RFTN1: variants seen among roughly 807,000 people sequenced by gnomAD.
RFTN1 encodes raftlin.
Under a neutral mutation model 46.5 loss-of-function variants are expected in RFTN1, and 26 were observed. That is an observed-to-expected ratio of 0.56 (90% CI 0.41 to 0.78). The LOEUF is 0.78. Ranked by LOEUF, RFTN1 falls within the 30% of genes least tolerant of loss-of-function variation. RFTN1 has a pLI of 0.00. For synonymous variants in RFTN1, 261 were observed against 284.2 expected (o/e 0.92, Z 0.82); for missense variants, 693 against 718.7 (o/e 0.96, Z 0.41).
Position 16,504,007 on chromosome 3 carries a change from C to T in RFTN1, c.-9+9435G>A, listed in dbSNP as rs75928266. Among the ~76,000 whole-genome samples, 7 of 152,118 alleles carry T rather than the reference C, an allele frequency of 4.6e-5. No homozygotes were observed. In the East Asian group the frequency reaches 7.7e-4, roughly 17 times the overall value. ...CTGTCTCCCTATCTTTCTATCCCTGCGTGTACTCTTTTACAATCTATATAT... is the reference window on the plus strand; with the variant it reads ...CTGTCTCCCTATCTTTCTATCCCTGTGTGTACTCTTTTACAATCTATATAT... On this transcript the variant is annotated intron_variant, in intron 1 of 9. Coordinates refer to ENST00000334133, the MANE Select transcript of RFTN1 (RefSeq NM_015150.2). The surrounding 1 kb of genome is among the most constrained non-coding windows in gnomAD (Gnocchi z 4.4).
intron 9 of RFTN1, among the ~76,000 whole-genome samples, chr3:16,319,483 G>A (rs896843717): frequency 2.0e-5 from 3 of 152,158 alleles, no homozygotes; most frequent in Admixed American, 1.3e-4. Flanking sequence ...CACCTCCAGG[G>A]CCCCATTCAT....
rs114567881 is a variant in RFTN1, at chr3:16,494,414, G to A, written c.-8-537C>T. ...ATAAAACATCCTAAAAGTAGATGGT[G>A]GTATTTTTATGGGCCTTGTCTGAAA... On this transcript the variant is annotated intron_variant, in intron 1 of 9. Coordinates refer to ENST00000334133, the MANE Select transcript of RFTN1 (RefSeq NM_015150.2). Among the ~76,000 whole-genome samples the A allele has an allele frequency of 4.9e-3, 752 of 152,228 alleles. 5 individuals are homozygous for A. The highest frequency in any genetic ancestry group is 0.016 in the African/African-American group (649 of 41,534).
chr3:16,370,277 T>C lies in RFTN1; in HGVS notation c.829A>G (p.Met277Val). 6.2e-7 allele frequency: 1 copy of C among 1,614,060 alleles called. No homozygotes were observed. ...TTGTTGAAAAGGGTGAAGATCTCCA[T>C]TTCTGTTGGGATTTGTAAAGGGAGT... Reference protein sequence around the residue: ...EVHEEPLSGKMEIFTLFNKPK... With the variant: ...EVHEEPLSGKVEIFTLFNKPK... The change falls in exon 6 of 10, where the codon ATG becomes GTG. Residue 277 changes from methionine (M) to valine (V), a missense_variant and splice_region_variant. Coordinates refer to ENST00000334133, the MANE Select transcript of RFTN1 (RefSeq NM_015150.2). The surrounding 1 kb of genome is among the most constrained non-coding windows in gnomAD (Gnocchi z 5.5).
chr3:16,461,480 C>T (rs2076007510), intron 2 of RFTN1, among the ~76,000 whole-genome samples: 2 of 152,170 alleles, frequency 1.3e-5, no homozygotes, highest in Admixed American at 1.3e-4. Flanking sequence ...AGGAAACCCA[C>T]ACTAAATACC....
In RFTN1 at chr3:16,360,582, A is replaced by AGAAAG. The variant is rs1463425891; in HGVS notation, c.1031-2536_1031-2535insCTTTC. Among the ~76,000 whole-genome samples the AGAAAG allele has an allele frequency of 3.3e-5, 5 of 152,226 alleles. No homozygotes were observed. The East Asian group carries it at 7.7e-4, about 23-fold the overall frequency. ...TACAATCTTTATAGAAAGCAATTTA[A>AGAAAG]CAATGTTGCAGGAGCTTGCCACAAA... On this transcript the variant is annotated intron_variant, in intron 6 of 9. Transcript: ENST00000334133.
chr3:16,357,227 G>C (rs1054657187), intron 7 of RFTN1, among the ~76,000 whole-genome samples: 4 of 151,990 alleles, frequency 2.6e-5, no homozygotes, highest in African/African-American at 7.3e-5. Flanking sequence ...GTGTGTACAA[G>C]AGACTAGGCT....
At chr3:16,487,647 T>C (rs1429822423) in intron 2 of RFTN1, among the ~76,000 whole-genome samples, 1 of 152,218 alleles carries the variant, frequency 6.6e-6, no homozygotes, top group Non-Finnish European at 1.5e-5. Flanking sequence ...GCCCAAGCCC[T>C]GGGCACCGGC....
At chr3:16,347,760 G>C (rs2071831664) in intron 7 of RFTN1, 1 of 152,102 alleles carries the variant, frequency 6.6e-6, no homozygotes, top group Non-Finnish European at 1.5e-5. Flanking sequence ...TAAGCATTTT[G>C]TTTAAAATTA....
rs2076071475 is a variant in RFTN1 at position 16,465,369 on chromosome 3, CTCTG to C, written c.145+28352_145+28355del. On this transcript the variant is annotated intron_variant, in intron 2 of 9. Transcript: ENST00000334133. The surrounding 1 kb of genome is among the most constrained non-coding windows in gnomAD (Gnocchi z 5.1). ...GCTGAACGCTTTCATCAAGGCAATT[CTCTG>C]AGCACAGGAAAAAAATATCCCCAAC... Among the ~76,000 whole-genome samples the C allele has an allele frequency of 6.6e-6, 1 of 151,738 alleles. No homozygotes were observed. The highest frequency in any genetic ancestry group is 1.5e-5 in the Non-Finnish European group (1 of 67,962).
At chr3:16,462,017 G>A (rs1335164924) in intron 2 of RFTN1, among the ~76,000 whole-genome samples, 1 of 152,216 alleles carries the variant, frequency 6.6e-6, no homozygotes, top group Non-Finnish European at 1.5e-5. Context: ...CTAAAAGCCA[G>A]CTCCTGGAAG....
At position 16,449,256 on chromosome 3, in the gene RFTN1, A is replaced by G. The variant is rs1471600182; in HGVS notation, c.146-15219T>C. ...AAGAACAGAAATCTGGAATTGAATT[A>G]TAGGAGAGAAAGCTGATTATTCATC... On this transcript the variant is annotated intron_variant, in intron 2 of 9. Coordinates refer to ENST00000334133, the MANE Select transcript of RFTN1 (RefSeq NM_015150.2). The surrounding 1 kb of genome is among the most constrained non-coding windows in gnomAD (Gnocchi z 5.1). Among the ~76,000 whole-genome samples, 3 of 152,238 alleles carry G rather than the reference A, an allele frequency of 2.0e-5. No homozygotes were observed. The highest frequency in any genetic ancestry group is 4.4e-5 in the Non-Finnish European group (3 of 68,040).
In RFTN1 at chr3:16,428,347, G is replaced by A. The variant is rs550096193; in HGVS notation, c.332+5504C>T. On this transcript the variant is annotated intron_variant, in intron 3 of 9. Coordinates refer to ENST00000334133, the MANE Select transcript of RFTN1 (RefSeq NM_015150.2). The surrounding 1 kb of genome is among the most constrained non-coding windows in gnomAD (Gnocchi z 4.7). ...CCCAAACCAGCTTACCTCCCCTTGG[G>A]GTTCACTGTTGGAAAAGCAATCTGA... Among the ~76,000 whole-genome samples, 54 of 152,270 alleles carry A rather than the reference G, an allele frequency of 3.5e-4. No homozygotes were observed. The Middle Eastern group carries it at 0.01, about 29-fold the overall frequency.
intron 4 of RFTN1, among the ~76,000 whole-genome samples, chr3:16,399,114 T>TTTTTA (rs2074542176): frequency 6.6e-6 from 1 of 152,168 alleles, no homozygotes; most frequent in Admixed American, 6.5e-5. Context: ...GTGCTCCAAA[T>TTTTTA]GCTAAAAATT....
At chr3:16,415,448 T>C (rs78343663) in intron 3 of RFTN1, among the ~76,000 whole-genome samples, 3,783 of 127,292 alleles carry the variant, frequency 0.03, 109 homozygotes, top group Middle Eastern at 0.068. Flanking sequence ...CACACACACA[T>C]ATATACTTGA....
At chr3:16,405,019 A>C (rs779825810) in intron 4 of RFTN1, among the ~76,000 whole-genome samples, 25 of 152,192 alleles carry the variant, frequency 1.6e-4, no homozygotes, top group Non-Finnish European at 3.5e-4. Context: ...TGAAAACTTC[A>C]AAGTGCTCTC....
intron 7 of RFTN1, among the ~76,000 whole-genome samples, chr3:16,340,696 T>C (rs1251837717): frequency 1.3e-5 from 2 of 152,232 alleles, no homozygotes; most frequent in Non-Finnish European, 2.9e-5. Context: ...TCTGCAGTTA[T>C]AGATTTTAAA....
intron 4 of RFTN1, among the ~76,000 whole-genome samples, chr3:16,392,684 T>C (rs985649812): frequency 1.3e-3 from 204 of 151,572 alleles, no homozygotes; most frequent in African/African-American, 4.5e-3. Flanking sequence ...CACACACATA[T>C]ATATATATAT....
rs2076498199 is a variant in RFTN1, at chr3:16,489,071, GAA to G, written c.145+4652_145+4653del. On this transcript the variant is annotated intron_variant, in intron 2 of 9. Transcript: ENST00000334133. This position sits in a 1 kb window ranked among gnomAD's most constrained non-coding sequence, Gnocchi z 4.0. The stretch of plus-strand genomic sequence containing the variant: ...GAGTGAATGAGAAGAGCTAGGTTTT[GAA>G]AAAGAGTACGTACTATTTGATTCCA... 6.6e-6 allele frequency among the ~76,000 whole-genome samples: 1 copy of G among 152,148 alleles called. No individual in the cohort carries two copies. Among genetic ancestry groups the G allele is most frequent in the Non-Finnish European group, 1.5e-5 (1 of 68,010 alleles).
At chr3:16,395,456 T>G (rs74282851) in intron 4 of RFTN1, among the ~76,000 whole-genome samples, 8,396 of 152,242 alleles carry the variant, frequency 0.055, 407 homozygotes, top group East Asian at 0.17. Context: ...AATTTTTTTT[T>G]TTTTAAAGAG....
Sources: gnomAD v4.1 joint callset for allele counts (sites outside exome capture counted in the v4.1 genomes callset) on GRCh38, gnomAD v4.1.1 for gene constraint, Gnocchi (gnomAD v3.1) non-coding constraint, MANE v1.5 for transcripts, NCBI Gene and HGNC (gene_info 2026-07-23, HGNC 2026-07-21) for gene names.